SEC24D: variants seen among roughly 807,000 people sequenced by gnomAD.
SEC24D encodes SEC24 homolog D, COPII component, also known as protein transport protein Sec24D.
Under a neutral mutation model 116.9 loss-of-function variants are expected in SEC24D, and 69 were observed. The ratio of observed to expected loss-of-function variants is 0.59; its 90% CI spans 0.49 to 0.72. The LOEUF is 0.72. Ranked by LOEUF, SEC24D falls within the 30% of genes least tolerant of loss-of-function variation. The pLI, the probability that SEC24D is intolerant of heterozygous loss-of-function variation, is 0.00. For missense variants in SEC24D, 1,131 were observed against 1,264.1 expected, an observed-to-expected ratio of 0.89 and a Z score of 1.60; for synonymous variants, 405 against 442.8, an observed-to-expected ratio of 0.91 and a Z score of 1.07.
At chr4:118,756,067 T>C (rs1378153261) in intron 11 of SEC24D, among the ~76,000 whole-genome samples, 1 of 152,146 alleles carries the variant, frequency 6.6e-6, no homozygotes, top group Non-Finnish European at 1.5e-5. Context: ...ACTGGTGAAG[T>C]AACTGTCTAG....
Position 118,732,862 on chromosome 4 carries a change from C to G in SEC24D, c.2547G>C (p.Leu849Phe), listed in dbSNP as rs1405991130. 5 of 1,614,048 alleles carry G rather than the reference C, an allele frequency of 3.1e-6. No individual in the cohort carries two copies. Among genetic ancestry groups the G allele is most frequent in the Non-Finnish European group, 4.2e-6 (5 of 1,179,926 alleles). ...TGCTGAGTAGTACACAGTTTTTCAA[C>G]AAGCAATTCATGTACACTGGCAATA... ...MKVLPVYMNC[L>F]LKNCVLLSRP... The change falls in exon 20 of 23, where the codon TTG (leucine) becomes TTC (phenylalanine). Residue 849 changes from leucine (L) to phenylalanine (F), a missense_variant. Leu to Phe is a conservative substitution (Grantham distance 22, BLOSUM62 0). Transcript: ENST00000280551.
rs1004594268 is a variant in SEC24D at position 118,768,162 on chromosome 4, G to A, written c.1180+11C>T. ...AGAATTTCACAAAGAGCTTTTAATGGCACTGCTTACCATCATTCACACAGT... is the reference window on the plus strand; with the variant it reads ...AGAATTTCACAAAGAGCTTTTAATGACACTGCTTACCATCATTCACACAGT... On this transcript the variant is annotated intron_variant, in intron 9 of 22. Transcript: ENST00000280551. 6.2e-7 allele frequency: 1 copy of A among 1,605,464 alleles called. No homozygotes were observed. Among genetic ancestry groups the A allele is most frequent in the South Asian group, 1.1e-5 (1 of 89,530 alleles).
rs1167833149 is a variant in SEC24D, at chr4:118,797,799, G to C, written c.925C>G (p.Pro309Ala). The change falls in exon 8 of 23, where the codon CCT becomes GCT. Residue 309 changes from proline (P) to alanine (A), a missense_variant. Physicochemically the swap from Pro to Ala is conservative, Grantham distance 27. Transcript: ENST00000280551. ...TATGTTGTACAACGGATGAATCGAG[G>C]ACTGGCATTTCCTGAAACATTCAAA... is the stretch of plus-strand genomic sequence containing the variant. ...CMIQDQGNAS[P>A]RFIRCTTYCF... The C allele has an allele frequency of 6.3e-7, 1 of 1,598,716 alleles. No homozygotes were observed. Among genetic ancestry groups the C allele is most frequent in the Non-Finnish European group, 8.5e-7 (1 of 1,169,726 alleles).
intron 19 of SEC24D, 171 bp downstream of exon 19, chr4:118,738,090 A>T: frequency 3.1e-6 from 1 of 324,438 alleles, no homozygotes; most frequent in Non-Finnish European, 5.8e-6. Context: ...TGTTGGCTAT[A>T]AAAAAAAAAA....
At chr4:118,831,733 AG>A (rs1730866194) in intron 2 of SEC24D, among the ~76,000 whole-genome samples, 1 of 151,970 alleles carries the variant, frequency 6.6e-6, no homozygotes, top group Non-Finnish European at 1.5e-5. Flanking sequence ...TCTAGAGCTT[AG>A]GGGAGGCATC....
chr4:118,814,827 A>G lies in SEC24D; in HGVS notation c.801+201T>C, dbSNP rs544369935. Among the ~76,000 whole-genome samples the G allele has an allele frequency of 3.3e-5, 5 of 152,296 alleles. No homozygotes were observed. The East Asian group carries it at 9.7e-4, about 29-fold the overall frequency. On this transcript the variant is annotated intron_variant, in intron 6 of 22. Transcript: ENST00000280551. ...AAAAATCAGCACAGGCTGCTCTTTCATGGAGACCTTTAGTATGCCCATAAC... is the reference window on the plus strand; with the variant it reads ...AAAAATCAGCACAGGCTGCTCTTTCGTGGAGACCTTTAGTATGCCCATAAC...
chr4:118,744,263 A>T (rs917281296), intron 14 of SEC24D, 105 bp from the exon 15 acceptor site: 12 of 1,178,032 alleles, frequency 1.0e-5, no homozygotes, highest in Non-Finnish European at 1.4e-5. Context: ...AAAATGGAAA[A>T]ATAGACATTT....
chr4:118,771,096 T>C (rs1473435297), intron 8 of SEC24D, among the ~76,000 whole-genome samples: 1 of 152,216 alleles, frequency 6.6e-6, no homozygotes, highest in African/African-American at 2.4e-5. Flanking sequence ...TGTCAGCTTA[T>C]CTGCACCACA....
At chr4:118,780,456 G>T (rs1728347599) in intron 8 of SEC24D, among the ~76,000 whole-genome samples, 1 of 152,178 alleles carries the variant, frequency 6.6e-6, no homozygotes, top group South Asian at 2.1e-4. Flanking sequence ...TTGCACTGTG[G>T]TCAGAGAGGC....
chr4:118,831,068 C>A (rs188372367), intron 2 of SEC24D, among the ~76,000 whole-genome samples: 1 of 152,168 alleles, frequency 6.6e-6, no homozygotes, highest in Non-Finnish European at 1.5e-5. Context: ...GTTCCCCAGG[C>A]TGGAGTGCAG....
intron 13 of SEC24D, 125 bp downstream of exon 13, chr4:118,751,871 A>C (rs1050378018): frequency 2.9e-6 from 2 of 689,160 alleles, no homozygotes; most frequent in Admixed American, 2.6e-5. Context: ...GGAAGTTTGG[A>C]ATAGCCTCTA....
At chr4:118,810,074 C>CTCTGTGTGTGTGTGTGTG (rs776835322) in intron 6 of SEC24D, among the ~76,000 whole-genome samples, 4 of 38,592 alleles carry the variant, frequency 1.0e-4, no homozygotes, top group Non-Finnish European at 2.0e-4. Context: ...TCAGAGGTAG[C>CTCTGTGTGTGTGTGTGTG]TGTGTGTGTG....
intron 8 of SEC24D, among the ~76,000 whole-genome samples, chr4:118,779,921 T>C (rs1487467997): frequency 2.6e-5 from 4 of 152,212 alleles, no homozygotes; most frequent in East Asian, 1.9e-4. Flanking sequence ...TGATGGTAGT[T>C]TGTATTTCTG....
At position 118,731,528 on chromosome 4, in the gene SEC24D, GAGTT is replaced by G. The variant is rs1291395259; in HGVS notation, c.2677-25_2677-22del. 3.1e-6 allele frequency: 5 copies of G among 1,608,976 alleles called. No homozygotes were observed. In the Admixed American group the frequency reaches 6.7e-5, roughly 21 times the overall value. On this transcript the variant is annotated intron_variant, in intron 20 of 22. Transcript: ENST00000280551. The stretch of plus-strand genomic sequence containing the variant: ...GTGTGCTGGGCAGGCACAGACAAAA[GAGTT>G]AGAAACTCCTTTCTTCCCCTTCCCT...
chr4:118,789,636 G>A (rs1728805901), intron 8 of SEC24D, among the ~76,000 whole-genome samples: 2 of 152,074 alleles, frequency 1.3e-5, no homozygotes, highest in African/African-American at 4.8e-5. Flanking sequence ...TTAAGCTAGA[G>A]CGCAGTGGCG....
At chr4:118,748,546 T>G (rs1726660559) in intron 13 of SEC24D, among the ~76,000 whole-genome samples, 1 of 152,092 alleles carries the variant, frequency 6.6e-6, no homozygotes, top group Admixed American at 6.6e-5. Context: ...CATACAGAAT[T>G]AATGAATGCC....
At chr4:118,822,964 C>T (rs557918670) in intron 3 of SEC24D, among the ~76,000 whole-genome samples, 54 of 151,748 alleles carry the variant, frequency 3.6e-4, no homozygotes, top group African/African-American at 1.3e-3. Flanking sequence ...CCACCACACC[C>T]GGCAACAATG....
intron 8 of SEC24D, among the ~76,000 whole-genome samples, chr4:118,776,836 T>C (rs1275304725): frequency 6.6e-6 from 1 of 152,188 alleles, no homozygotes; most frequent in Non-Finnish European, 1.5e-5. Flanking sequence ...GTTCTACAAA[T>C]GATTAATATA....
At chr4:118,753,945 G>C (rs191893944) in intron 11 of SEC24D, 2 of 152,162 alleles carry the variant, frequency 1.3e-5, no homozygotes, top group Non-Finnish European at 2.9e-5. Flanking sequence ...ACGGCCTAAA[G>C]AGTTACTTGA....
Sources: gnomAD v4.1 joint callset for allele counts (sites outside exome capture counted in the v4.1 genomes callset) on GRCh38, gnomAD v4.1.1 for gene constraint, MANE v1.5 for transcripts, NCBI Gene and HGNC (gene_info 2026-07-23, HGNC 2026-07-21) for gene names.